Variants in C1orf21 observed in about 807,000 individuals in gnomAD.
The protein encoded by C1orf21 is uncharacterized protein C1orf21.
A neutral mutation model predicts 18.7 loss-of-function variants in C1orf21; 3 were observed. The observed-to-expected ratio is 0.16, with a 90% CI of 0.07 to 0.42. The LOEUF (loss-of-function observed/expected upper bound fraction) is 0.42, where lower values mean the gene tolerates loss of function less well. C1orf21 is among the 10% of genes least tolerant of loss of function. The probability of loss-of-function intolerance (pLI) is 0.99; values close to 1 mark genes in which losing one functional copy is unlikely to be tolerated. For missense variants in C1orf21, 104 were observed against 143.6 expected (o/e 0.72, Z 1.41); for synonymous variants, 41 against 46.4 (o/e 0.88, Z 0.47).
chr1:184,471,819 T>C (rs1411392457), intron 1 of C1orf21, among the ~76,000 whole-genome samples: 1 of 152,174 alleles, frequency 6.6e-6, no homozygotes, highest in African/African-American at 2.4e-5. Context: ...TAATAGCATA[T>C]TGTCGATTGT....
At chr1:184,390,535 C>G (rs990069017) in intron 1 of C1orf21, among the ~76,000 whole-genome samples, 2 of 152,154 alleles carry the variant, frequency 1.3e-5, no homozygotes, top group Admixed American at 6.5e-5. Flanking sequence ...TCAGAATTCA[C>G]TCAGAGATAT....
At chr1:184,399,356 A>ATTTTTTTTTTTTTTTTTTTTTTTTTTT (rs59376994) in intron 1 of C1orf21, among the ~76,000 whole-genome samples, 1 of 79,082 alleles carries the variant, frequency 1.3e-5, no homozygotes, top group Non-Finnish European at 2.6e-5. Context: ...ATGTACTTCT[A>ATTTTTTTTTTTTTTTTTTTTTTTTTTT]TTTTTTTTTT....
intron 1 of C1orf21, among the ~76,000 whole-genome samples, chr1:184,415,588 T>C (rs951258450): frequency 1.3e-5 from 2 of 152,012 alleles, no homozygotes; most frequent in Admixed American, 6.5e-5. Flanking sequence ...ATCAATTTAG[T>C]AGATTTTGAA....
chr1:184,458,743 A>G (rs570684689), intron 1 of C1orf21, among the ~76,000 whole-genome samples: 2 of 152,356 alleles, frequency 1.3e-5, no homozygotes, highest in South Asian at 2.1e-4. Flanking sequence ...GCCATAAAAA[A>G]TCTTTAAAAA....
intron 3 of C1orf21, among the ~76,000 whole-genome samples, chr1:184,529,858 G>T (rs1658433079): frequency 6.6e-6 from 1 of 152,172 alleles, no homozygotes; most frequent in Non-Finnish European, 1.5e-5. Flanking sequence ...CCCTATGTGG[G>T]TATTAACTTA....
chr1:184,530,717 C>G (rs1305686558), intron 3 of C1orf21, among the ~76,000 whole-genome samples: 2 of 148,472 alleles, frequency 1.3e-5, no homozygotes, highest in Admixed American at 1.4e-4. Context: ...CTTTTTTTTC[C>G]TTATAGCTAT....
intron 3 of C1orf21, chr1:184,566,600 C>A: frequency 2.7e-6 from 1 of 375,100 alleles, no homozygotes; most frequent in South Asian, 2.6e-5. Flanking sequence ...GACTGCTTCC[C>A]TGGTGTGCCA....
At chr1:184,453,771 G>T (rs1657156467) in intron 1 of C1orf21, among the ~76,000 whole-genome samples, 2 of 152,174 alleles carry the variant, frequency 1.3e-5, no homozygotes, top group African/African-American at 4.8e-5. Context: ...GTGAGGGACA[G>T]ATATTTCACA....
intron 1 of C1orf21, among the ~76,000 whole-genome samples, chr1:184,409,795 A>G (rs1656304697): frequency 6.6e-6 from 1 of 152,212 alleles, no homozygotes; most frequent in African/African-American, 2.4e-5. Context: ...TTACTGTTCT[A>G]GACTATGCCT....
chr1:184,420,036 C>T (rs1656520825), intron 1 of C1orf21, among the ~76,000 whole-genome samples: 1 of 152,108 alleles, frequency 6.6e-6, no homozygotes, highest in Non-Finnish European at 1.5e-5. Flanking sequence ...CAGAGGACAC[C>T]ATTAATTCCT....
chr1:184,520,099 T>A (rs1658285030), intron 3 of C1orf21, among the ~76,000 whole-genome samples: 1 of 152,230 alleles, frequency 6.6e-6, no homozygotes. Context: ...AGGATTAATG[T>A]ATTTACTCAG....
intron 3 of C1orf21, among the ~76,000 whole-genome samples, chr1:184,531,337 CCTT>C (rs1305163011): frequency 1.3e-5 from 2 of 152,146 alleles, no homozygotes; most frequent in African/African-American, 4.8e-5. Context: ...TCTTCTCTCT[CCTT>C]CTTTCAACCC....
Position 184,615,497 on chromosome 1 carries a change from G to A in C1orf21, c.328-4021G>A, listed in dbSNP as rs145278478. Among the ~76,000 whole-genome samples, 842 of 152,232 alleles carry A rather than the reference G, an allele frequency of 5.5e-3. 12 individuals are homozygous for A. Among genetic ancestry groups the A allele is most frequent in the African/African-American group, 0.019 (805 of 41,548 alleles). ...GATCCTCCAGTTCTAATTGAGTAAC[G>A]CATCCTGACAAAGACTTCCATTTGG... On this transcript the variant is annotated intron_variant, in intron 5 of 5. Coordinates refer to ENST00000235307, the MANE Select transcript of C1orf21 (RefSeq NM_030806.4).
intron 1 of C1orf21, among the ~76,000 whole-genome samples, chr1:184,396,734 C>T (rs1557961411): frequency 1.3e-5 from 2 of 152,122 alleles, no homozygotes; most frequent in African/African-American, 2.4e-5. Flanking sequence ...ACCCTCTTAC[C>T]ACACCACGTA....
At chr1:184,585,787 A>G (rs1659344183) in intron 3 of C1orf21, among the ~76,000 whole-genome samples, 3 of 152,204 alleles carry the variant, frequency 2.0e-5, no homozygotes, top group Non-Finnish European at 4.4e-5. Flanking sequence ...TGTTCCTGCA[A>G]AGGACATGAC....
intron 2 of C1orf21, among the ~76,000 whole-genome samples, chr1:184,484,884 CTGTG>C (rs3034460): frequency 0.17 from 25,005 of 145,892 alleles, 2,136 homozygotes; most frequent in Middle Eastern, 0.25. Context: ...ATGCTTGTGG[CTGTG>C]TGTGTGTGTG....
chr1:184,529,343 G>A (rs551540673), intron 3 of C1orf21, among the ~76,000 whole-genome samples: 22 of 152,260 alleles, frequency 1.4e-4, no homozygotes, highest in African/African-American at 5.3e-4. Flanking sequence ...TGGTAGGGGA[G>A]ATATTTGAGC....
chr1:184,514,026 G>T (rs1431079326), intron 3 of C1orf21, among the ~76,000 whole-genome samples: 1 of 152,226 alleles, frequency 6.6e-6, no homozygotes, highest in Non-Finnish European at 1.5e-5. Flanking sequence ...GCTACGTGCG[G>T]TGGCTCATGC....
chr1:184,568,688 G>A (rs763322770), intron 3 of C1orf21, among the ~76,000 whole-genome samples: 2 of 152,114 alleles, frequency 1.3e-5, no homozygotes, highest in Non-Finnish European at 2.9e-5. Flanking sequence ...CCCATGCACT[G>A]GGGTGACTGC....
Sources: allele counts gnomAD v4.1 joint callset (sites outside exome capture counted in the v4.1 genomes callset), GRCh38; gene constraint gnomAD v4.1.1; transcripts MANE v1.5; gene names NCBI Gene and HGNC (gene_info 2026-07-23, HGNC 2026-07-21).